BBS9: variants seen among roughly 807,000 people sequenced by gnomAD.
BBS9 encodes Bardet-Biedl syndrome 9, also known as protein PTHB1.
A neutral mutation model predicts 117.7 loss-of-function variants in BBS9; 89 were observed. The observed-to-expected ratio is 0.76, with a 90% CI of 0.64 to 0.90. BBS9 has a LOEUF of 0.90. BBS9 is among the 40% of genes least tolerant of loss of function. BBS9 has a pLI of 0.00. For synonymous variants in BBS9, 379 were observed against 370.9 expected (o/e 1.02, Z -0.25); for missense variants, 982 against 1,042.2 (o/e 0.94, Z 0.80).
At chr7:33,206,089 CCT>C (rs1383274796) in intron 5 of BBS9, among the ~76,000 whole-genome samples, 1 of 151,974 alleles carries the variant, frequency 6.6e-6, no homozygotes, top group East Asian at 1.9e-4. Flanking sequence ...ATTTTTTTCC[CCT>C]GGCAGGGAGG....
intron 21 of BBS9, among the ~76,000 whole-genome samples, chr7:33,624,745 G>A (rs949777235): frequency 1.1e-4 from 16 of 152,184 alleles, no homozygotes; most frequent in African/African-American, 3.6e-4. Flanking sequence ...TATCCAAACT[G>A]TAACATTTTG....
chr7:33,527,732 T>C (rs1268506674), intron 20 of BBS9, among the ~76,000 whole-genome samples: 3 of 152,244 alleles, frequency 2.0e-5, no homozygotes, highest in African/African-American at 7.2e-5. Flanking sequence ...CTGGGAGCTG[T>C]AGACCGGAGC....
chr7:33,310,045 G>A (rs1283944165), intron 9 of BBS9, among the ~76,000 whole-genome samples: 1 of 152,222 alleles, frequency 6.6e-6, no homozygotes, highest in African/African-American at 2.4e-5. Flanking sequence ...TGCAAGACCT[G>A]TACTTTCCAG....
chr7:33,175,507 C>T (rs1797218951), intron 4 of BBS9, among the ~76,000 whole-genome samples: 1 of 152,098 alleles, frequency 6.6e-6, no homozygotes, highest in South Asian at 2.1e-4. Context: ...GGGCAGCCCT[C>T]ACAACCACCA....
intron 2 of BBS9, among the ~76,000 whole-genome samples, chr7:33,148,795 A>ATT (rs71551989): frequency 6.9e-6 from 1 of 144,954 alleles, no homozygotes. Flanking sequence ...TTTTATTTTT[A>ATT]TTTTTTTTGT....
intron 19 of BBS9, among the ~76,000 whole-genome samples, chr7:33,494,443 G>A (rs1844446090): frequency 1.3e-5 from 2 of 152,180 alleles, no homozygotes; most frequent in South Asian, 4.1e-4. Context: ...AAACTCAGCA[G>A]TAAAGACTTG....
intron 4 of BBS9, among the ~76,000 whole-genome samples, chr7:33,172,066 G>A (rs543796964): frequency 6.6e-6 from 1 of 152,186 alleles, no homozygotes; most frequent in Admixed American, 6.5e-5. Flanking sequence ...CTGGCTTGTA[G>A]CTGATGGTCT....
intron 21 of BBS9, among the ~76,000 whole-genome samples, chr7:33,596,525 G>A (rs1862842418): frequency 6.6e-6 from 1 of 151,978 alleles, no homozygotes; most frequent in Non-Finnish European, 1.5e-5. Context: ...GAGAGGTCAT[G>A]GAGGATGGAT....
intron 9 of BBS9, among the ~76,000 whole-genome samples, chr7:33,320,157 T>C (rs571098120): frequency 6.6e-6 from 1 of 152,296 alleles, no homozygotes; most frequent in South Asian, 2.1e-4. Context: ...TTGTTGACTT[T>C]AGTCACCCTG....
intron 19 of BBS9, among the ~76,000 whole-genome samples, chr7:33,484,245 G>A (rs562954196): frequency 6.6e-6 from 1 of 152,072 alleles, no homozygotes; most frequent in Non-Finnish European, 1.5e-5. Context: ...TACAAAAAAG[G>A]TTACATCAAA....
At chr7:33,516,810 A>G (rs992586295) in intron 20 of BBS9, among the ~76,000 whole-genome samples, 1 of 152,244 alleles carries the variant, frequency 6.6e-6, no homozygotes, top group African/African-American at 2.4e-5. Flanking sequence ...ATTGCCTAAC[A>G]TAGGAAATTT....
rs78886542 is a variant in BBS9 at position 33,458,676 on chromosome 7, G to A, written c.2116-46787G>A. On this transcript the variant is annotated intron_variant, in intron 19 of 22. Transcript: ENST00000242067. Reference sequence around the variant, plus strand: ...AGGAACTAGTCTCTGTTAATTGTATGTTCCTGTTTGTAAACAGGTGTTTGC... The same window carrying A: ...AGGAACTAGTCTCTGTTAATTGTATATTCCTGTTTGTAAACAGGTGTTTGC... Among the ~76,000 whole-genome samples the A allele has an allele frequency of 7.9e-5, 12 of 152,262 alleles. No individual in the cohort carries two copies. The East Asian group carries it at 2.3e-3, about 29-fold the overall frequency.
At chr7:33,270,245 C>T (rs370140477) in intron 7 of BBS9, among the ~76,000 whole-genome samples, 7 of 152,208 alleles carry the variant, frequency 4.6e-5, no homozygotes, top group African/African-American at 7.2e-5. Context: ...AAGGAATACT[C>T]ATGCACACAG....
intron 9 of BBS9, among the ~76,000 whole-genome samples, chr7:33,316,583 T>A (rs1349746231): frequency 6.6e-6 from 1 of 152,182 alleles, no homozygotes; most frequent in Non-Finnish European, 1.5e-5. Flanking sequence ...TTAATTTAGA[T>A]ATTCTAATGT....
intron 9 of BBS9, among the ~76,000 whole-genome samples, chr7:33,325,921 G>A (rs569506091): frequency 3.3e-5 from 5 of 152,154 alleles, no homozygotes; most frequent in Admixed American, 2.6e-4. Context: ...ACCAATGGGA[G>A]TATGCTGGGT....
At chr7:33,492,696 GT>G (rs1844154356) in intron 19 of BBS9, among the ~76,000 whole-genome samples, 1 of 152,062 alleles carries the variant, frequency 6.6e-6, no homozygotes, top group Non-Finnish European at 1.5e-5. Context: ...AAAGGAATCT[GT>G]GGGCCCTTCA....
At chr7:33,130,413 C>A (rs1031967700) in intron 1 of BBS9, among the ~76,000 whole-genome samples, 2 of 152,152 alleles carry the variant, frequency 1.3e-5, no homozygotes, top group Non-Finnish European at 2.9e-5. Flanking sequence ...TATTGTTTCT[C>A]CTCTTGTTAC....
At chr7:33,264,442 A>G in intron 7 of BBS9, 68 bp downstream of exon 7, 1 of 929,806 alleles carries the variant, frequency 1.1e-6, no homozygotes, top group Non-Finnish European at 1.6e-6. Flanking sequence ...TTTGTCAATA[A>G]TAATTCATGG....
At chr7:33,301,331 T>C (rs768570066) in intron 9 of BBS9, among the ~76,000 whole-genome samples, 1 of 152,068 alleles carries the variant, frequency 6.6e-6, no homozygotes, top group Non-Finnish European at 1.5e-5. Context: ...TTTTTGAGTA[T>C]CATCTTCCTT....
Sources: gnomAD v4.1 joint callset for allele counts (sites outside exome capture counted in the v4.1 genomes callset) on GRCh38, gnomAD v4.1.1 for gene constraint, MANE v1.5 for transcripts, NCBI Gene and HGNC (gene_info 2026-07-23, HGNC 2026-07-21) for gene names.